The following DAGLA variants were observed in gnomAD, a reference collection of about 807,000 sequenced individuals.
DAGLA encodes diacylglycerol lipase alpha, also known as diacylglycerol lipase-alpha.
In DAGLA, 22 loss-of-function variants were observed where a neutral mutation model predicts 102.6. That is an observed-to-expected ratio of 0.21 (90% CI 0.15 to 0.31). The LOEUF (loss-of-function observed/expected upper bound fraction) is 0.31. Ranked by LOEUF, DAGLA falls within the 10% of genes least tolerant of loss-of-function variation. The probability of loss-of-function intolerance (pLI) is 1.00; values close to 1 mark genes in which losing one functional copy is unlikely to be tolerated. For missense variants in DAGLA, 927 were observed against 1,446.6 expected (o/e 0.64, Z 5.83); for synonymous variants, 578 against 628.9 (o/e 0.92, Z 1.21).
At chr11:61,729,129 TC>T (rs1326604254) in intron 8 of DAGLA, 121 bp downstream of exon 8, 9 of 816,534 alleles carry the variant, frequency 1.1e-5, no homozygotes, top group Admixed American at 2.0e-5. Context: ...CTGCCCGGTC[TC>T]CCCCCGGCTC....
chr11:61,682,516 GC>G (rs1409306597), intron 1 of DAGLA, among the ~76,000 whole-genome samples: 2 of 152,206 alleles, frequency 1.3e-5, no homozygotes, highest in Non-Finnish European at 2.9e-5. Flanking sequence ...CCTGAGCATG[GC>G]CCCGGCAGCT....
intron 5 of DAGLA, among the ~76,000 whole-genome samples, chr11:61,725,100 C>T (rs1398821965): frequency 6.6e-6 from 1 of 152,180 alleles, no homozygotes; most frequent in Non-Finnish European, 1.5e-5. Context: ...CCCTTGCCTT[C>T]CTCTCCTGAC....
intron 1 of DAGLA, among the ~76,000 whole-genome samples, chr11:61,681,870 A>C (rs1268324341): frequency 2.0e-5 from 3 of 152,168 alleles, no homozygotes; most frequent in Non-Finnish European, 4.4e-5. Flanking sequence ...CTAGTGCCTT[A>C]CTTTACAGAG....
At chr11:61,728,435 A>C in intron 7 of DAGLA, 148 bp downstream of exon 7, 1 of 955,090 alleles carries the variant, frequency 1.0e-6, no homozygotes, top group South Asian at 1.7e-5. Context: ...GGTCACCTTT[A>C]CCTCTGGCTC....
rs1008251901 is a variant in DAGLA at position 61,741,331 on chromosome 11, A to G, written c.2153A>G (p.His718Arg). 1 of 1,608,198 alleles carries G rather than the reference A, an allele frequency of 6.2e-7. No individual in the cohort carries two copies. The highest frequency in any genetic ancestry group is 8.5e-7 in the Non-Finnish European group (1 of 1,179,782). ...GLALELPTAD[H>R]RNSSVRSKSQ... ...GCCCTGGAGCTGCCGACTGCAGACC[A>G]CCGCAACAGCAGCGTCAGGTGAGCC... The change falls in exon 19 of 20, where the codon CAC becomes CGC. Residue 718 changes from histidine (H) to arginine (R), a missense_variant. Physicochemically the swap from His to Arg is conservative, Grantham distance 29 (BLOSUM62 0). This residue lies in a region of DAGLA where 434 missense variants were observed against 503.3 expected (regional missense o/e 0.86). Coordinates refer to ENST00000257215, the MANE Select transcript of DAGLA (RefSeq NM_006133.3).
chr11:61,736,139 C>T, intron 12 of DAGLA, 131 bp from the exon 13 acceptor site: 1 of 730,116 alleles, frequency 1.4e-6, no homozygotes, highest in Non-Finnish European at 2.4e-6. Flanking sequence ...TGCCAGCCCC[C>T]ACAGCTGGGT....
At chr11:61,695,887 C>T (rs1314276778) in intron 1 of DAGLA, among the ~76,000 whole-genome samples, 1 of 152,148 alleles carries the variant, frequency 6.6e-6, no homozygotes, top group Admixed American at 6.5e-5. Context: ...CCCGGTGAGA[C>T]CCTGGAAAGC....
Position 61,744,386 on chromosome 11 carries a change from G to A in DAGLA, c.3026G>A (p.Ser1009Asn). ...ELMDLTPTGLSSQECLAADKI... is the reference protein window; with the variant it reads ...ELMDLTPTGLNSQECLAADKI... ...ATGGACCTGACGCCCACGGGCCTCA[G>A]TAGCCAGGAATGCCTGGCGGCTGAC... The change falls in exon 20 of 20, where the codon AGT (serine) becomes AAT (asparagine). Residue 1009 changes from serine (S) to asparagine (N), a missense_variant. Ser to Asn is a conservative substitution (Grantham distance 46, BLOSUM62 1). Around this residue, in one of 4 missense-constraint regions of DAGLA, gnomAD observed 434 missense variants for 503.3 expected, o/e 0.86. Transcript: ENST00000257215. 1 of 1,611,574 alleles carries A rather than the reference G, an allele frequency of 6.2e-7. No homozygotes were observed. Among genetic ancestry groups the A allele is most frequent in the Non-Finnish European group, 8.5e-7 (1 of 1,179,004 alleles).
intron 16 of DAGLA, 32 bp from the exon 17 acceptor site, chr11:61,739,433 T>A: frequency 6.3e-7 from 1 of 1,587,740 alleles, no homozygotes; most frequent in South Asian, 1.1e-5. Flanking sequence ...TACTTAGCTC[T>A]GTCCCCATCT....
chr11:61,707,052 G>T (rs1565251526), intron 1 of DAGLA, among the ~76,000 whole-genome samples: 1 of 152,242 alleles, frequency 6.6e-6, no homozygotes, highest in Non-Finnish European at 1.5e-5. Flanking sequence ...CCCCACTGCG[G>T]ATAGTTAGGG....
Position 61,720,132 on chromosome 11 carries a change from T to G in DAGLA, c.-24T>G. ...TTCAGGAGGTGAGCACCAGGCCCAC[T>G]GAGCCTCTGCAGAGCCACCAGCCAT... On this transcript the variant is annotated 5_prime_UTR_variant, in exon 2 of 20. The change abolishes the stop of an existing upstream ORF in the 5' untranslated region. Coordinates refer to ENST00000257215, the MANE Select transcript of DAGLA (RefSeq NM_006133.3). 1 of 1,609,754 alleles carries G rather than the reference T, an allele frequency of 6.2e-7. No homozygotes were observed. Among genetic ancestry groups the G allele is most frequent in the Non-Finnish European group, 8.5e-7 (1 of 1,179,692 alleles).
At chr11:61,736,975 C>G (rs976306985) in intron 13 of DAGLA, among the ~76,000 whole-genome samples, 4 of 152,234 alleles carry the variant, frequency 2.6e-5, no homozygotes, top group African/African-American at 9.7e-5. Flanking sequence ...GGTTTGGAAG[C>G]GTAAATAAGA....
chr11:61,700,917 G>A (rs964937145), intron 1 of DAGLA, among the ~76,000 whole-genome samples: 1 of 152,236 alleles, frequency 6.6e-6, no homozygotes, highest in Admixed American at 6.5e-5. Context: ...CCCCGGGCCA[G>A]GCACTTGGCC....
In DAGLA at chr11:61,720,579, T is replaced by G. The variant is rs1196299087; in HGVS notation, c.96-100T>G. On this transcript the variant is annotated intron_variant, in intron 2 of 19. Transcript: ENST00000257215. ...TGGAGGAGGTGCCTGCTGCCAGCCCTCCTTCCACTGAATCTGGGCTGGGGA... is the reference window on the plus strand; with the variant it reads ...TGGAGGAGGTGCCTGCTGCCAGCCCGCCTTCCACTGAATCTGGGCTGGGGA... The G allele has an allele frequency of 7.2e-6, 8 of 1,115,382 alleles. No individual in the cohort carries two copies. In the Admixed American group the frequency reaches 1.5e-4, roughly 21 times the overall value. The allele number at this position is 1,115,382 out of a possible 1,614,324, so 69.1% of individuals were successfully genotyped here.
intron 19 of DAGLA, among the ~76,000 whole-genome samples, chr11:61,743,236 G>T (rs1020927762): frequency 1.3e-5 from 2 of 151,954 alleles, no homozygotes; most frequent in Non-Finnish European, 2.9e-5. Context: ...ATGGTGGCGG[G>T]CACCTGTAGT....
rs998640015 is a variant in DAGLA, at chr11:61,743,845, G to A, written c.2485G>A (p.Glu829Lys). The stretch of plus-strand genomic sequence containing the variant: ...CTTCTACATTGACCCTGCCATCCCC[G>A]AGGAAAACCCATCCCTGAGCTCGCG... The part of the protein sequence containing the change: ...HLFYIDPAIP[E>K]ENPSLSSRTE... The change falls in exon 20 of 20, where the codon GAG (glutamate) becomes AAG (lysine). Residue 829 changes from glutamate to lysine, a missense_variant. By Grantham distance (56) the Glu-to-Lys change is moderately conservative. Coordinates refer to ENST00000257215, the MANE Select transcript of DAGLA (RefSeq NM_006133.3). 1.9e-6 allele frequency: 3 copies of A among 1,612,524 alleles called. No homozygotes were observed. Among genetic ancestry groups the A allele is most frequent in the South Asian group, 1.1e-5 (1 of 91,088 alleles).
Position 61,744,450 on chromosome 11 carries a change from C to G in DAGLA, c.3090C>G (p.Ser1030Arg). 6.3e-7 allele frequency: 1 copy of G among 1,588,836 alleles called. No individual in the cohort carries two copies. Among genetic ancestry groups the G allele is most frequent in the South Asian group, 1.1e-5 (1 of 88,582 alleles). Residue 1030 changes from serine (S) to arginine (R), a missense_variant, in exon 20 of 20, where the codon AGC becomes AGG. This residue lies in a region of DAGLA where 434 missense variants were observed against 503.3 expected (regional missense o/e 0.86). Coordinates refer to ENST00000257215, the MANE Select transcript of DAGLA (RefSeq NM_006133.3). ...RTSTPTGHGA[S>R]PAKQDELVIS... Reference sequence around the variant, plus strand: ...CTACCCCCACTGGCCACGGAGCCAGCCCCGCCAAGCAAGATGAGCTGGTCA... The same window carrying G: ...CTACCCCCACTGGCCACGGAGCCAGGCCCGCCAAGCAAGATGAGCTGGTCA...
At chr11:61,738,769 T>A (rs2135604165) in intron 16 of DAGLA, among the ~76,000 whole-genome samples, 1 of 152,240 alleles carries the variant, frequency 6.6e-6, no homozygotes. Flanking sequence ...CCAGGCACAC[T>A]GAGGCAGGCC....
At chr11:61,715,465 C>G (rs1223860519) in intron 1 of DAGLA, among the ~76,000 whole-genome samples, 2 of 152,232 alleles carry the variant, frequency 1.3e-5, no homozygotes, top group Admixed American at 6.5e-5. Flanking sequence ...CCTTCTTCCC[C>G]CCCATCCCCC....
Sources: allele counts gnomAD v4.1 joint callset (sites outside exome capture counted in the v4.1 genomes callset), GRCh38; gene constraint gnomAD v4.1.1; regional missense constraint gnomAD v4.1.1; transcripts MANE v1.5; gene names NCBI Gene and HGNC (gene_info 2026-07-23, HGNC 2026-07-21).